GATA4: variants seen among roughly 807,000 people sequenced by gnomAD.
The protein encoded by GATA4 is transcription factor GATA-4.
Under a neutral mutation model 37.9 loss-of-function variants are expected in GATA4, and 7 were observed. That is an observed-to-expected ratio of 0.18 (90% CI 0.11 to 0.35). The LOEUF (loss-of-function observed/expected upper bound fraction) is 0.35, where lower values mean the gene tolerates loss of function less well. GATA4 is among the 10% of genes least tolerant of loss of function. The pLI is 1.00. For missense variants in GATA4, 647 were observed against 653.0 expected (o/e 0.99, Z 0.10); for synonymous variants, 372 against 292.6 (o/e 1.27, Z -2.77).
At chr8:11,678,445 A>C (rs139175738) in intron 1 of GATA4, among the ~76,000 whole-genome samples, 1 of 151,998 alleles carries the variant, frequency 6.6e-6, no homozygotes, top group Non-Finnish European at 1.5e-5. Context: ...CCCCTGCCCA[A>C]CTCTCTGGCT....
chr8:11,687,816 C>CA (rs1222842266), upstream of GATA4, among the ~76,000 whole-genome samples: 1 of 152,066 alleles, frequency 6.6e-6, no homozygotes, highest in Non-Finnish European at 1.5e-5. Flanking sequence ...ATCCAAAAAT[C>CA]AAAAAATTAC....
chr8:11,739,825 C>G (rs970829520), intron 2 of GATA4, among the ~76,000 whole-genome samples: 1 of 152,106 alleles, frequency 6.6e-6, no homozygotes, highest in Non-Finnish European at 1.5e-5. Flanking sequence ...AGGCACTTGC[C>G]CGGCCTGCTC....
chr8:11,680,537 C>G, intron 1 of GATA4: 1 of 985,466 alleles, frequency 1.0e-6, no homozygotes, highest in Non-Finnish European at 1.2e-6. Flanking sequence ...GGTGTCGCGC[C>G]GACGTCCTTC....
chr8:11,734,778 C>T (rs1028652697), intron 2 of GATA4, among the ~76,000 whole-genome samples: 4 of 152,202 alleles, frequency 2.6e-5, no homozygotes, highest in Non-Finnish European at 5.9e-5. Flanking sequence ...GAGTGAGCCA[C>T]CGTGCCCAGC....
chr8:11,690,114 G>A (rs1799262775), upstream of GATA4, among the ~76,000 whole-genome samples: 1 of 152,158 alleles, frequency 6.6e-6, no homozygotes, highest in Non-Finnish European at 1.5e-5. Flanking sequence ...CTGATAAACG[G>A]GCCAAAGGTA....
At chr8:11,706,161 G>T (rs1236190334) in intron 1 of GATA4, 1 of 152,126 alleles carries the variant, frequency 6.6e-6, no homozygotes, top group African/African-American at 2.4e-5. Context: ...ATAAGTTATT[G>T]CATATTTTGA....
At chr8:11,680,796 C>T (rs534739477) in intron 1 of GATA4, 5 of 985,268 alleles carry the variant, frequency 5.1e-6, no homozygotes, top group Non-Finnish European at 6.0e-6. Context: ...CCGCCCCTCG[C>T]CCTGCTCACC....
At chr8:11,680,440 C>G in intron 1 of GATA4, 1 of 981,316 alleles carries the variant, frequency 1.0e-6, no homozygotes, top group Non-Finnish European at 1.2e-6. Flanking sequence ...CTCTCATCGC[C>G]TCTCCGTTCC....
intron 1 of GATA4, chr8:11,680,355 T>C (rs1798917668): frequency 2.3e-6 from 1 of 440,528 alleles, no homozygotes; most frequent in African/African-American, 2.1e-5. Flanking sequence ...CCGGGGAATC[T>C]CTGCAAGTAA....
intron 2 of GATA4, among the ~76,000 whole-genome samples, chr8:11,710,522 T>G (rs1034512262): frequency 2.0e-5 from 2 of 99,350 alleles, no homozygotes; most frequent in African/African-American, 4.1e-5. Context: ...TCTACTAAAA[T>G]ACAAAAAAAA....
chr8:11,738,255 A>G (rs1222628033), intron 2 of GATA4, among the ~76,000 whole-genome samples: 2 of 152,078 alleles, frequency 1.3e-5, no homozygotes, highest in East Asian at 1.9e-4. Context: ...TTTAAAAGGT[A>G]CACAACAGCA....
chr8:11,743,960 T>G (rs1438683717), intron 2 of GATA4, among the ~76,000 whole-genome samples: 2 of 152,128 alleles, frequency 1.3e-5, no homozygotes, highest in African/African-American at 4.8e-5. Context: ...AGGACAAAAT[T>G]TATTTTGTGC....
chr8:11,754,978 T>C, intron 4 of GATA4, 68 bp from the exon 5 acceptor site: 1 of 1,248,546 alleles, frequency 8.0e-7, no homozygotes, highest in Non-Finnish European at 1.2e-6. Context: ...AGCAGGTGTG[T>C]GTCTTTCAAT....
intron 1 of GATA4, among the ~76,000 whole-genome samples, chr8:11,680,346 CGG>C (rs1798917291): frequency 1.3e-5 from 2 of 152,242 alleles, no homozygotes; most frequent in South Asian, 4.1e-4. Flanking sequence ...GCCCTGGAGC[CGG>C]GGAATCTCTG....
chr8:11,754,094 A>G (rs377483430), intron 4 of GATA4, among the ~76,000 whole-genome samples: 28 of 152,326 alleles, frequency 1.8e-4, no homozygotes, highest in East Asian at 5.8e-4. Context: ...AGAAGCACCA[A>G]TGGCTCCAGC....
intron 6 of GATA4, 93 bp downstream of exon 6, chr8:11,757,176 C>T: frequency 6.5e-7 from 1 of 1,536,092 alleles, no homozygotes; most frequent in Middle Eastern, 2.2e-4. Flanking sequence ...GACTTGCAGC[C>T]AGGCCTCACA....
chr8:11,758,256 T>C (rs749362823), intron 6 of GATA4, 37 bp from the exon 7 acceptor site: 7 of 1,612,378 alleles, frequency 4.3e-6, no homozygotes, highest in African/African-American at 4.0e-5. Context: ...CTCAGGAGCG[T>C]CTCCATGGGC....
At chr8:11,695,011 G>C (rs1022338907) in intron 1 of GATA4, among the ~76,000 whole-genome samples, 1 of 152,176 alleles carries the variant, frequency 6.6e-6, no homozygotes, top group Non-Finnish European at 1.5e-5. Flanking sequence ...GTTTTATCTG[G>C]CACAGAGCAC....
upstream of GATA4, among the ~76,000 whole-genome samples, chr8:11,701,399 C>T (rs1424258129): frequency 1.3e-5 from 2 of 152,174 alleles, no homozygotes; most frequent in Admixed American, 6.5e-5. Flanking sequence ...GCCAAGAGGC[C>T]GGACCTCAGA....
Sources: allele counts gnomAD v4.1 joint callset (sites outside exome capture counted in the v4.1 genomes callset), GRCh38; gene constraint gnomAD v4.1.1; transcripts MANE v1.5; gene names NCBI Gene and HGNC (gene_info 2026-07-23, HGNC 2026-07-21).